The following ARHGAP40 variants were observed in gnomAD, a reference collection of about 807,000 sequenced individuals.
ARHGAP40 encodes the protein rho GTPase-activating protein 40.
Under a neutral mutation model 73.5 loss-of-function variants are expected in ARHGAP40, and 43 were observed. The ratio of observed to expected loss-of-function variants is 0.58; its 90% CI spans 0.46 to 0.75. The LOEUF (loss-of-function observed/expected upper bound fraction) is 0.75, where lower values mean the gene tolerates loss of function less well. Ranked by LOEUF, ARHGAP40 falls within the 30% of genes least tolerant of loss-of-function variation. The pLI is 0.00. For missense variants in ARHGAP40, 734 were observed against 861.8 expected (o/e 0.85, Z 1.86); for synonymous variants, 300 against 352.8 (o/e 0.85, Z 1.68).
chr20:38,610,894 T>C (rs6070759), intron 1 of ARHGAP40, among the ~76,000 whole-genome samples: 4,828 of 148,358 alleles, frequency 0.033, 109 homozygotes, highest in Non-Finnish European at 0.046. Flanking sequence ...TTTTTTTTTT[T>C]CTTTTTTTTT....
rs190294015 is a variant in ARHGAP40, at chr20:38,631,264, T to C, written c.783+1614T>C. Among the ~76,000 whole-genome samples, 10 of 146,144 alleles carry C rather than the reference T, an allele frequency of 6.8e-5. No individual in the cohort carries two copies. The East Asian group carries it at 2.0e-3, about 29-fold the overall frequency. ...AGGTTGAAGCTGCAGTGAGCTATGA[T>C]TGCACCACTGCTCTCCAGCCTGGGC... On this transcript the variant is annotated intron_variant, in intron 5 of 14. Transcript: ENST00000373345.
chr20:38,643,944 G>A, intron 11 of ARHGAP40, 34 bp downstream of exon 11: 1 of 1,265,282 alleles, frequency 7.9e-7, no homozygotes, highest in Non-Finnish European at 1.0e-6. Context: ...ATCCCTCTGG[G>A]TGCAGCTGCC....
Position 38,649,749 on chromosome 20 carries a change from T to C in ARHGAP40, c.1937-8T>C, listed in dbSNP as rs1055174089. 7 of 1,304,304 alleles carry C rather than the reference T, an allele frequency of 5.4e-6. No individual in the cohort carries two copies. In the African/African-American group the frequency reaches 1.1e-4, roughly 20 times the overall value. The allele number at this position is 1,304,304 out of a possible 1,614,324, so 80.8% of individuals were successfully genotyped here. A position where few individuals can be genotyped will look rare whatever the true frequency, so the allele number is the denominator to read the frequency against. ...CCACTCAACCTCCTTCACCCCTTCT[T>C]CCCACAGATGAGCATCGCCTGGACC... is the stretch of plus-strand genomic sequence containing the variant. On this transcript the variant is annotated splice_polypyrimidine_tract_variant and splice_region_variant and intron_variant, in intron 14 of 14. Coordinates refer to ENST00000373345, the Ensembl canonical transcript of ARHGAP40.
rs144385024 is a variant in ARHGAP40 at position 38,637,685 on chromosome 20, C to T, written c.950-23C>T. 6.4e-4 allele frequency: 838 copies of T among 1,303,480 alleles called. 11 individuals carry two copies. The Admixed American group carries it at 7.1e-3, about 11-fold the overall frequency. 80.7% of individuals were successfully genotyped at this position (1,303,480 alleles called of 1,614,324 possible). A position where few individuals can be genotyped will look rare whatever the true frequency, so the allele number is the denominator to read the frequency against. On this transcript the variant is annotated intron_variant, in intron 6 of 14. Transcript: ENST00000373345. ...GATCATTCCAAGAAGTGAAATGTGC[C>T]TCTGCTCTTTGACTTTCTGCAGAAA...
chr20:38,627,288 G>A (rs2088904145), intron 3 of ARHGAP40, 73 bp downstream of exon 3: 8 of 1,246,382 alleles, frequency 6.4e-6, no homozygotes, highest in East Asian at 5.7e-5. Flanking sequence ...CCTGAGAGAT[G>A]CAGTGATCCT....
chr20:38,646,432 C>G lies in ARHGAP40; in HGVS notation c.1710+245C>G, dbSNP rs529209175. On this transcript the variant is annotated intron_variant, in intron 12 of 14. Coordinates refer to ENST00000373345, the Ensembl canonical transcript of ARHGAP40. The surrounding 1 kb of genome is among the most constrained non-coding windows in gnomAD (Gnocchi z 4.5). ...GGAGACTTCCCCTAGAAACCGTCAC[C>G]GCCGCCCCATTTTTCGGCAGCCCCT... Among the ~76,000 whole-genome samples, 1 of 152,162 alleles carries G rather than the reference C, an allele frequency of 6.6e-6. No individual in the cohort carries two copies. The highest frequency in any genetic ancestry group is 2.4e-5 in the African/African-American group (1 of 41,438).
intron 1 of ARHGAP40, chr20:38,615,591 A>T: frequency 2.0e-6 from 1 of 495,314 alleles, no homozygotes; most frequent in South Asian, 2.0e-5. Flanking sequence ...CTGCTCTAAG[A>T]GGTCCAATTT....
exon 15 of ARHGAP40, chr20:38,650,116 A>G: frequency 2.8e-6 from 1 of 359,694 alleles, no homozygotes. Context: ...GGACAGAGGA[A>G]GAACTTCCCT....
At position 38,637,148 on chromosome 20, in the gene ARHGAP40, T is replaced by C. The variant is rs567965037; in HGVS notation, c.950-560T>C. On this transcript the variant is annotated intron_variant, in intron 6 of 14. Coordinates refer to ENST00000373345, the Ensembl canonical transcript of ARHGAP40. ...CAGCGTGCTTCCCTTTCAATACTTT[T>C]TTTTTTTTTTCTGTGAGACAGAACT... Among the ~76,000 whole-genome samples the C allele has an allele frequency of 5.3e-5, 8 of 152,102 alleles. No homozygotes were observed. The East Asian group carries it at 1.5e-3, about 29-fold the overall frequency.
intron 5 of ARHGAP40, among the ~76,000 whole-genome samples, 171 bp from the exon 6 acceptor site, chr20:38,634,449 T>A (rs1011719364): frequency 2.6e-5 from 4 of 152,230 alleles, no homozygotes; most frequent in African/African-American, 9.6e-5. Context: ...TCACTCCGTT[T>A]GCAAGAGGTG....
At chr20:38,615,475 A>G (rs1219387425) in intron 1 of ARHGAP40, 8 of 684,970 alleles carry the variant, frequency 1.2e-5, no homozygotes, top group African/African-American at 1.8e-5. Context: ...GGCCACGTCC[A>G]TGGCGGCGCG....
At chr20:38,637,492 C>G (rs2088982879) in intron 6 of ARHGAP40, among the ~76,000 whole-genome samples, 1 of 152,112 alleles carries the variant, frequency 6.6e-6, no homozygotes, top group Admixed American at 6.5e-5. Flanking sequence ...TGCTCTGAGA[C>G]ATATCTCCTC....
intron 1 of ARHGAP40, among the ~76,000 whole-genome samples, chr20:38,612,121 A>C (rs1258060301): frequency 6.6e-6 from 1 of 152,224 alleles, no homozygotes; most frequent in African/African-American, 2.4e-5. Context: ...GAATATTTTC[A>C]CATGTAATCA....
intron 9 of ARHGAP40, among the ~76,000 whole-genome samples, chr20:38,639,869 A>G (rs2089003582): frequency 6.6e-6 from 1 of 152,228 alleles, no homozygotes. Flanking sequence ...CACAATCCAC[A>G]ATGAACAAAG....
rs1227536313 is a variant in ARHGAP40 at position 38,608,489 on chromosome 20, G to A, written c.137+6410G>A. Among the ~76,000 whole-genome samples the A allele has an allele frequency of 7.9e-5, 12 of 152,258 alleles. No homozygotes were observed. In the East Asian group the frequency reaches 2.3e-3, roughly 29 times the overall value. On this transcript the variant is annotated intron_variant, in intron 1 of 14. Transcript: ENST00000373345. The stretch of plus-strand genomic sequence containing the variant: ...AGCCTTGTGTTTTCATGTTTTTGGA[G>A]TACTTACTATGGGCTGAATGTTTTA...
In ARHGAP40 at chr20:38,631,453, T is replaced by C. The variant is rs2088938161; in HGVS notation, c.783+1803T>C. ...GGTGGAAGGTGAAAGGCACGTCTCA[T>C]GTGGCAGCAGACAAGAGAAGAGAGC... is the stretch of plus-strand genomic sequence containing the variant. On this transcript the variant is annotated intron_variant, in intron 5 of 14. Coordinates refer to ENST00000373345, the Ensembl canonical transcript of ARHGAP40. Among the ~76,000 whole-genome samples the C allele has an allele frequency of 2.0e-5, 3 of 152,210 alleles. No homozygotes were observed. The East Asian group carries it at 5.8e-4, about 29-fold the overall frequency.
At chr20:38,631,123 G>A (rs565958847) in intron 5 of ARHGAP40, among the ~76,000 whole-genome samples, 1 of 152,140 alleles carries the variant, frequency 6.6e-6, no homozygotes, top group Non-Finnish European at 1.5e-5. Flanking sequence ...ACCAGCCTGG[G>A]CAACATAACA....
chr20:38,616,373 A>G (rs182958208), intron 1 of ARHGAP40, among the ~76,000 whole-genome samples: 114 of 152,362 alleles, frequency 7.5e-4, no homozygotes, highest in Admixed American at 1.3e-3. Context: ...TACGTTCAAA[A>G]GAGTCCAGGA....
chr20:38,649,400 A>G (rs2089073511), intron 14 of ARHGAP40, among the ~76,000 whole-genome samples: 1 of 152,174 alleles, frequency 6.6e-6, no homozygotes, highest in South Asian at 2.1e-4. Context: ...AGGATAGGGA[A>G]GGGGCAGGGG....
Sources: gnomAD v4.1 joint callset for allele counts (sites outside exome capture counted in the v4.1 genomes callset) on GRCh38, gnomAD v4.1.1 for gene constraint, Gnocchi (gnomAD v3.1) non-coding constraint, MANE v1.5 for transcripts, NCBI Gene and HGNC (gene_info 2026-07-23, HGNC 2026-07-21) for gene names.